OGT: variants seen among roughly 807,000 people sequenced by gnomAD.
OGT encodes the protein O-linked N-acetylglucosamine (GlcNAc) transferase, also known as UDP-N-acetylglucosamine--peptide N-acetylglucosaminyltransferase 110 kDa subunit.
Under a neutral mutation model 75.8 loss-of-function variants are expected in OGT, and 3 were observed. The observed-to-expected ratio is 0.04, with a 90% CI of 0.02 to 0.10. The LOEUF (loss-of-function observed/expected upper bound fraction) is 0.10. Ranked by LOEUF, OGT falls within the 10% of genes least tolerant of loss-of-function variation. The pLI, the probability that OGT is intolerant of heterozygous loss-of-function variation, is 1.00. For synonymous variants in OGT, 257 were observed against 289.7 expected, an observed-to-expected ratio of 0.89 and a Z score of 1.15; for missense variants, 260 against 824.4, an observed-to-expected ratio of 0.32 and a Z score of 8.38.
At chrX:71,537,710 G>C (rs1179918311) in intron 2 of OGT, 119 bp from the exon 3 acceptor site, 13 of 853,785 alleles carry the variant, frequency 1.5e-5, no homozygotes, top group Admixed American at 3.0e-5. Context: ...CTAGTTAAAA[G>C]ATAAGGTATT....
chrX:71,556,801 T>A, intron 9 of OGT, 21 bp downstream of exon 9: 2 of 1,080,081 alleles, frequency 1.9e-6, no homozygotes, highest in Non-Finnish European at 2.5e-6. Flanking sequence ...CTAACAGCCT[T>A]ATTTTTAAAA....
chrX:71,573,595 T>A, intron 21 of OGT, 25 bp from the exon 22 acceptor site: 1 of 1,158,890 alleles, frequency 8.6e-7, no homozygotes, highest in South Asian at 2.1e-5. Flanking sequence ...ATTTGTAAAC[T>A]GGGTTCTTGT....
At chrX:71,555,816 TGAGGGTAA>T in intron 7 of OGT, 130 bp from the exon 8 acceptor site, 2 of 689,065 alleles carry the variant, frequency 2.9e-6, no homozygotes, top group Non-Finnish European at 4.3e-6. Flanking sequence ...GAGTTTTGGT[TGAGGGTAA>T]GAATACCAAA....
chrX:71,570,886 C>T (rs1162377933), intron 21 of OGT, among the ~76,000 whole-genome samples: 1 of 110,656 alleles, frequency 9.0e-6, no homozygotes, highest in Non-Finnish European at 1.9e-5. Flanking sequence ...CCTCTGCCTC[C>T]TGGGATCGAG....
chrX:71,568,232 C>T, intron 21 of OGT, 116 bp downstream of exon 21: 1 of 559,771 alleles, frequency 1.8e-6, no homozygotes, highest in Non-Finnish European at 2.6e-6. Context: ...TGTATGCCCT[C>T]TGGATGGGAG....
chrX:71,552,711 C>CTTT (rs763506860), intron 5 of OGT, among the ~76,000 whole-genome samples: 2 of 90,738 alleles, frequency 2.2e-5, no homozygotes, highest in African/African-American at 8.0e-5. Flanking sequence ...GAATTGCTGT[C>CTTT]TTTTTTTTTT....
intron 21 of OGT, among the ~76,000 whole-genome samples, chrX:71,571,437 G>A (rs1335009706): frequency 8.9e-6 from 1 of 111,962 alleles, no homozygotes. Flanking sequence ...GTCTCCCTCT[G>A]TTTCCCAGGC....
At chrX:71,570,272 C>A (rs1448337612) in intron 21 of OGT, among the ~76,000 whole-genome samples, 1 of 110,000 alleles carries the variant, frequency 9.1e-6, no homozygotes, top group African/African-American at 3.3e-5. Context: ...AACTCCTGAC[C>A]TCGTGATCCA....
chrX:71,572,241 C>T (rs1158050669), intron 21 of OGT, among the ~76,000 whole-genome samples: 1 of 111,923 alleles, frequency 8.9e-6, no homozygotes, highest in Non-Finnish European at 1.9e-5. Context: ...AGAATTTTAT[C>T]CAAATGGAAC....
chrX:71,563,221 G>A lies in OGT; in HGVS notation c.2240G>A (p.Ser747Asn). 1 of 1,209,663 alleles carries A rather than the reference G, an allele frequency of 8.3e-7. No individual in the cohort carries two copies. Among genetic ancestry groups the A allele is most frequent in the East Asian group, 3.0e-5 (1 of 33,866 alleles). ...NGIDLKAFLD[S>N]LPDVKIVKMK... ...ATCGACCTCAAAGCATTTCTTGATA[G>A]TCTACCAGATGTGAAAATTGTCAAG... is the stretch of plus-strand genomic sequence containing the variant. Residue 747 changes from serine to asparagine, a missense_variant, in exon 17 of 22, where the codon AGT becomes AAT. Around this residue, in one of 6 missense-constraint regions of OGT, gnomAD observed 79 missense variants for 141.0 expected, o/e 0.56. Coordinates refer to ENST00000373719, the MANE Select transcript of OGT (RefSeq NM_181672.3).
chrX:71,555,169 T>TGTGTGC (rs745366914), intron 6 of OGT, 21 bp from the exon 7 acceptor site: 1 of 1,130,346 alleles, frequency 8.8e-7, no homozygotes, highest in South Asian at 2.0e-5. Flanking sequence ...TGTGTGTGTG[T>TGTGTGC]GTGTGTGTGT....
In OGT at chrX:71,559,655, A is replaced by G. The variant is rs199663012; in HGVS notation, c.1829A>G (p.Asn610Ser). Residue 610 changes from asparagine to serine, a missense_variant, in exon 14 of 22, where the codon AAT becomes AGT. Asn to Ser is a conservative substitution (Grantham distance 46). Coordinates refer to ENST00000373719, the MANE Select transcript of OGT (RefSeq NM_181672.3). ...CGAGTGAAGGTGATGGCAGAAGCCA[A>G]TCATTTCATTGATCTTTCTCAGGTA... is the stretch of plus-strand genomic sequence containing the variant. ...NFRVKVMAEA[N>S]HFIDLSQIPC... 44 of 1,207,390 alleles carry G rather than the reference A, an allele frequency of 3.6e-5. No individual in the cohort carries two copies. Among genetic ancestry groups the G allele is most frequent in the South Asian group, 8.8e-5 (5 of 56,616 alleles).
chrX:71,567,925 C>A, intron 20 of OGT, 68 bp from the exon 21 acceptor site: 1 of 1,144,875 alleles, frequency 8.7e-7, no homozygotes, highest in Non-Finnish European at 1.2e-6. Flanking sequence ...GGAGGCTTAA[C>A]ATAAATAACA....
Position 71,562,974 on chromosome X carries a change from C to G in OGT, c.2105C>G (p.Thr702Ser). The G allele has an allele frequency of 8.3e-7, 1 of 1,210,132 alleles. No homozygotes were observed. Among genetic ancestry groups the G allele is most frequent in the South Asian group, 1.8e-5 (1 of 56,903 alleles). The change falls in exon 16 of 22, where the codon ACT (threonine) becomes AGT (serine). Residue 702 changes from threonine (T) to serine (S), a missense_variant. This residue lies in a region of OGT where 99 missense variants were observed against 417.9 expected (regional missense o/e 0.24). Transcript: ENST00000373719. ...YSEKLAYMPH[T>S]FFIGDHANMF... is the part of the protein sequence containing the mutation. ...GAGAAATTGGCTTATATGCCCCACACTTTTTTTATTGGTGATCATGCTAAT... is the reference window on the plus strand; with the variant it reads ...GAGAAATTGGCTTATATGCCCCACAGTTTTTTTATTGGTGATCATGCTAAT...
At chrX:71,571,227 T>G (rs1169628440) in intron 21 of OGT, among the ~76,000 whole-genome samples, 1 of 112,102 alleles carries the variant, frequency 8.9e-6, no homozygotes, top group Non-Finnish European at 1.9e-5. Flanking sequence ...TACCTACTGC[T>G]TAGAATCTAC....
chrX:71,537,288 A>G (rs1026888026), intron 2 of OGT, among the ~76,000 whole-genome samples: 3 of 109,232 alleles, frequency 2.7e-5, no homozygotes, highest in South Asian at 3.9e-4. Context: ...TTTTGTAACA[A>G]GACTCTAGTT....
At chrX:71,554,637 T>C (rs762397316) in intron 6 of OGT, 45 bp downstream of exon 6, 20 of 1,004,234 alleles carry the variant, frequency 2.0e-5, no homozygotes, top group Non-Finnish European at 2.7e-5. Context: ...ATCTTTGTTG[T>C]ATTGACACTT....
At chrX:71,547,549 A>C in intron 4 of OGT, 1 of 804,250 alleles carries the variant, frequency 1.2e-6, no homozygotes, top group Non-Finnish European at 1.5e-6. Flanking sequence ...GTAGCACTTG[A>C]AAACATGACA....
chrX:71,566,358 T>C (rs1295752518), intron 19 of OGT, among the ~76,000 whole-genome samples: 2 of 111,974 alleles, frequency 1.8e-5, no homozygotes, highest in East Asian at 5.5e-4. Context: ...CTGGGTAATT[T>C]ATAAAGGAAA....
Sources: gnomAD v4.1 joint callset for allele counts (sites outside exome capture counted in the v4.1 genomes callset) on GRCh38, gnomAD v4.1.1 for gene constraint, gnomAD v4.1.1 regional missense constraint, MANE v1.5 for transcripts, NCBI Gene and HGNC (gene_info 2026-07-23, HGNC 2026-07-21) for gene names.